The following NFX1 variants were observed in gnomAD, a reference collection of about 807,000 sequenced individuals.
NFX1 encodes nuclear transcription factor, X-box binding 1, also known as transcriptional repressor NF-X1.
NFX1 carries 69 observed loss-of-function variants against 137.2 expected under a neutral mutation model. That is an observed-to-expected ratio of 0.50 (90% CI 0.41 to 0.61). The LOEUF (loss-of-function observed/expected upper bound fraction) is 0.61, where lower values mean the gene tolerates loss of function less well. NFX1 is among the 20% of genes least tolerant of loss of function. NFX1 has a pLI of 0.00. For missense variants in NFX1, 1,167 were observed against 1,391.0 expected, an observed-to-expected ratio of 0.84 and a Z score of 2.56; for synonymous variants, 495 against 474.1, an observed-to-expected ratio of 1.04 and a Z score of -0.57.
intron 2 of NFX1, among the ~76,000 whole-genome samples, chr9:33,298,868 T>C (rs1204879759): frequency 1.3e-5 from 2 of 152,196 alleles, no homozygotes; most frequent in Admixed American, 1.3e-4. Context: ...TTGCAGTTGT[T>C]CAGGTAGGAG....
At chr9:33,359,125 T>A (rs1356444444) in intron 19 of NFX1, among the ~76,000 whole-genome samples, 1 of 152,260 alleles carries the variant, frequency 6.6e-6, no homozygotes, top group Non-Finnish European at 1.5e-5. Flanking sequence ...ATTTTGTATA[T>A]ACACAGTCAT....
At chr9:33,329,303 G>T (rs985007769) in intron 10 of NFX1, among the ~76,000 whole-genome samples, 1 of 152,142 alleles carries the variant, frequency 6.6e-6, no homozygotes, top group African/African-American at 2.4e-5. Context: ...GTTTTTATTG[G>T]TGCTCTATTG....
chr9:33,342,117 GTCTC>G (rs751667686), intron 12 of NFX1, among the ~76,000 whole-genome samples: 5 of 139,282 alleles, frequency 3.6e-5, no homozygotes, highest in Non-Finnish European at 7.6e-5. Flanking sequence ...CCCTGTCTCT[GTCTC>G]TCTCTCTCAC....
At chr9:33,350,344 G>A (rs1226437038) in intron 15 of NFX1, among the ~76,000 whole-genome samples, 1 of 150,836 alleles carries the variant, frequency 6.6e-6, no homozygotes, top group Non-Finnish European at 1.5e-5. Flanking sequence ...CGAAAAAATG[G>A]CCCTGCCATC....
At chr9:33,325,349 CAT>C (rs1822542660) in intron 9 of NFX1, among the ~76,000 whole-genome samples, 1 of 152,106 alleles carries the variant, frequency 6.6e-6, no homozygotes, top group Non-Finnish European at 1.5e-5. Context: ...AGTAGGATGA[CAT>C]ATTCAAAGTG....
intron 9 of NFX1, among the ~76,000 whole-genome samples, chr9:33,327,104 A>G (rs1424620269): frequency 2.0e-5 from 3 of 152,268 alleles, no homozygotes; most frequent in Non-Finnish European, 4.4e-5. Context: ...GACTTACAGA[A>G]AACTAAAAAA....
At chr9:33,361,335 G>C (rs898700982) in intron 19 of NFX1, among the ~76,000 whole-genome samples, 1 of 151,954 alleles carries the variant, frequency 6.6e-6, no homozygotes, top group East Asian at 1.9e-4. Context: ...AAATAAAAAT[G>C]GTATATATTT....
intron 16 of NFX1, 44 bp downstream of exon 16, chr9:33,351,834 A>G: frequency 1.3e-6 from 2 of 1,484,544 alleles, no homozygotes; most frequent in Non-Finnish European, 1.8e-6. Flanking sequence ...TGTAGTTCTG[A>G]GGCTACTAGT....
intron 9 of NFX1, among the ~76,000 whole-genome samples, chr9:33,327,506 A>C (rs1282980807): frequency 1.3e-5 from 2 of 152,160 alleles, no homozygotes; most frequent in Non-Finnish European, 2.9e-5. Flanking sequence ...CTGGGATTAC[A>C]GGTGGGCGCC....
intron 4 of NFX1, among the ~76,000 whole-genome samples, chr9:33,306,627 G>A (rs1236915045): frequency 1.3e-5 from 2 of 152,192 alleles, no homozygotes; most frequent in Non-Finnish European, 1.5e-5. Context: ...CTGTGCCTTC[G>A]TTTTACTCTT....
chr9:33,366,992 C>T (rs1389318017), intron 22 of NFX1, among the ~76,000 whole-genome samples: 1 of 152,234 alleles, frequency 6.6e-6, no homozygotes, highest in Non-Finnish European at 1.5e-5. Flanking sequence ...TCAAAATGCA[C>T]AAGTGTCACA....
intron 19 of NFX1, among the ~76,000 whole-genome samples, chr9:33,357,392 C>T (rs1236098043): frequency 6.6e-6 from 1 of 152,056 alleles, no homozygotes; most frequent in Admixed American, 6.6e-5. Flanking sequence ...GCACTAGTAT[C>T]ACACTGTCTT....
intron 11 of NFX1, among the ~76,000 whole-genome samples, chr9:33,332,870 G>A (rs1822858580): frequency 6.6e-6 from 1 of 152,204 alleles, no homozygotes; most frequent in South Asian, 2.1e-4. Context: ...TTTTGAGACG[G>A]AGTCTCGCTC....
At chr9:33,353,844 A>G (rs1314848531) in intron 17 of NFX1, among the ~76,000 whole-genome samples, 2 of 151,904 alleles carry the variant, frequency 1.3e-5, no homozygotes, top group African/African-American at 4.8e-5. Context: ...ACCTGCTACC[A>G]TGCCTGGCTA....
intron 11 of NFX1, chr9:33,332,765 T>G: frequency 2.7e-6 from 1 of 375,794 alleles, no homozygotes; most frequent in South Asian, 4.6e-5. Context: ...GGTAGAAGAA[T>G]GGATATGTAT....
At chr9:33,337,452 A>T (rs1371366185) in intron 11 of NFX1, among the ~76,000 whole-genome samples, 1 of 151,964 alleles carries the variant, frequency 6.6e-6, no homozygotes, top group African/African-American at 2.4e-5. Context: ...TCCCCCATGG[A>T]CTCCAAAAGT....
Position 33,303,191 on chromosome 9 carries a change from A to G in NFX1, c.1193A>G (p.Asp398Gly). Residue 398 changes from aspartate to glycine, a missense_variant and splice_region_variant, in exon 4 of 24, where the codon GAT (aspartate) becomes GGT (glycine). By Grantham distance (94) the Asp-to-Gly change is moderately conservative. Coordinates refer to ENST00000379540, the MANE Select transcript of NFX1 (RefSeq NM_002504.6). ...GGCCTACTCCCATTTTTCCTGACAG[A>G]TGGCCAGAGTGGTTGGAGGTGCCCT... ...KWARSPASQA[D>G]GQSGWRCPAC... 6.2e-7 allele frequency: 1 copy of G among 1,613,728 alleles called. No homozygotes were observed.
chr9:33,342,690 ATGG>A, intron 12 of NFX1, 53 bp from the exon 13 acceptor site: 1 of 1,184,322 alleles, frequency 8.4e-7, no homozygotes, highest in Non-Finnish European at 1.2e-6. Flanking sequence ...GTTGTTATTT[ATGG>A]AAAATATAAA....
At chr9:33,309,615 C>A (rs1821890971) in intron 5 of NFX1, among the ~76,000 whole-genome samples, 1 of 152,196 alleles carries the variant, frequency 6.6e-6, no homozygotes, top group African/African-American at 2.4e-5. Context: ...TGCTTTCTCT[C>A]ATTTACACTT....
Sources: allele counts gnomAD v4.1 joint callset (sites outside exome capture counted in the v4.1 genomes callset), GRCh38; gene constraint gnomAD v4.1.1; transcripts MANE v1.5; gene names NCBI Gene and HGNC (gene_info 2026-07-23, HGNC 2026-07-21).